Variants in CDIN1 observed in about 807,000 individuals in gnomAD.
CDIN1 encodes CDAN1-interacting nuclease 1.
CDIN1 carries 33 observed loss-of-function variants against 45.3 expected under a neutral mutation model. The ratio of observed to expected loss-of-function variants is 0.73; its 90% CI spans 0.55 to 0.97. The LOEUF is 0.97. Among genes scored for constraint, CDIN1 ranks in the 50% least tolerant of loss-of-function variants. CDIN1 has a pLI of 0.00. For synonymous variants in CDIN1, 118 were observed against 124.4 expected (o/e 0.95, Z 0.34); for missense variants, 303 against 339.4 (o/e 0.89, Z 0.84).
chr15:36,610,320 G>T (rs2038588022), intron 1 of CDIN1, among the ~76,000 whole-genome samples: 1 of 152,176 alleles, frequency 6.6e-6, no homozygotes, highest in Non-Finnish European at 1.5e-5. Context: ...TTGTCACTTT[G>T]CTTCTTTTAA....
At chr15:36,704,934 A>G (rs370688133) in intron 8 of CDIN1, 73 of 152,120 alleles carry the variant, frequency 4.8e-4, no homozygotes, top group African/African-American at 1.7e-3. Context: ...TGTGATTCTT[A>G]AGTATATGTT....
chr15:36,666,521 G>A (rs140847269), intron 5 of CDIN1, among the ~76,000 whole-genome samples: 46 of 152,176 alleles, frequency 3.0e-4, no homozygotes, highest in Admixed American at 1.0e-3. Context: ...TGGTTATATT[G>A]TGCCTATTGT....
chr15:36,659,966 C>CTTTTTT lies in CDIN1; in HGVS notation c.346+2074_346+2079dup, dbSNP rs778988517. Among the ~76,000 whole-genome samples, 101 of 105,124 alleles carry CTTTTTT rather than the reference C, an allele frequency of 9.6e-4. 3 individuals carry two copies. Among genetic ancestry groups the CTTTTTT allele is most frequent in the African/African-American group, 1.3e-3 (35 of 27,928 alleles). The allele number at this position is 105,124 out of a possible 152,430, so 69.0% of individuals were successfully genotyped here. A position where few individuals can be genotyped will look rare whatever the true frequency, so the allele number is the denominator to read the frequency against. On this transcript the variant is annotated intron_variant, in intron 5 of 10. Coordinates refer to ENST00000566621, the MANE Select transcript of CDIN1 (RefSeq NM_001321759.2). ...TCATTCTCTCTTTTTCCTTCCTTTTCTTTTTTTTTTTTTTTTTTCTTAAAG... is the reference window on the plus strand; with the variant it reads ...TCATTCTCTCTTTTTCCTTCCTTTTCTTTTTTTTTTTTTTTTTTTTTTTTCTTAAAG...
intron 10 of CDIN1, among the ~76,000 whole-genome samples, chr15:36,713,343 G>A (rs543604501): frequency 1.3e-5 from 2 of 152,264 alleles, no homozygotes; most frequent in East Asian, 1.9e-4. Context: ...ATTCTGGCAC[G>A]TTCTCATTAG....
chr15:36,605,746 G>A (rs2038335632), intron 1 of CDIN1, among the ~76,000 whole-genome samples: 1 of 152,168 alleles, frequency 6.6e-6, no homozygotes, highest in East Asian at 1.9e-4. Context: ...AGAAGGGAGA[G>A]TACCTCCAAA....
chr15:36,603,149 T>G (rs2038191448), intron 1 of CDIN1, among the ~76,000 whole-genome samples: 1 of 152,198 alleles, frequency 6.6e-6, no homozygotes, highest in African/African-American at 2.4e-5. Flanking sequence ...ATCCTTGTAC[T>G]TAGTAAGTGC....
At chr15:36,659,198 C>T (rs1186386655) in intron 5 of CDIN1, among the ~76,000 whole-genome samples, 1 of 152,132 alleles carries the variant, frequency 6.6e-6, no homozygotes, top group Non-Finnish European at 1.5e-5. Context: ...AAACAGAATT[C>T]ATTGACTTGT....
chr15:36,747,856 A>G (rs982008852), intron 10 of CDIN1, among the ~76,000 whole-genome samples: 1 of 152,180 alleles, frequency 6.6e-6, no homozygotes, highest in African/African-American at 2.4e-5. Context: ...TGCTGACCTA[A>G]TACAAGACCT....
intron 10 of CDIN1, among the ~76,000 whole-genome samples, chr15:36,740,044 T>C (rs1395734808): frequency 3.3e-5 from 5 of 152,232 alleles, no homozygotes; most frequent in African/African-American, 9.6e-5. Flanking sequence ...ATATGGTTTG[T>C]TGAAAATGCT....
intron 5 of CDIN1, among the ~76,000 whole-genome samples, chr15:36,659,628 T>TG (rs1337084386): frequency 1.3e-5 from 2 of 151,848 alleles, no homozygotes; most frequent in African/African-American, 2.4e-5. Flanking sequence ...GGTTTTGTTT[T>TG]TTTTTTTTTT....
At chr15:36,738,418 A>G (rs1047919757) in intron 10 of CDIN1, among the ~76,000 whole-genome samples, 2 of 152,030 alleles carry the variant, frequency 1.3e-5, no homozygotes, top group African/African-American at 4.8e-5. Flanking sequence ...CTCATATGCC[A>G]CTTCTTGCAG....
chr15:36,624,570 T>C (rs1008436437), intron 1 of CDIN1, among the ~76,000 whole-genome samples: 6 of 152,206 alleles, frequency 3.9e-5, no homozygotes, highest in African/African-American at 7.2e-5. Context: ...CTACTGAGGC[T>C]TCAAATAGTT....
chr15:36,610,391 G>A (rs1235832425), intron 1 of CDIN1, among the ~76,000 whole-genome samples: 3 of 152,190 alleles, frequency 2.0e-5, no homozygotes, highest in Non-Finnish European at 2.9e-5. Flanking sequence ...GTTGTGTAAT[G>A]TGAAAATTAT....
At chr15:36,628,969 G>A (rs2039567130) in intron 1 of CDIN1, among the ~76,000 whole-genome samples, 1 of 152,150 alleles carries the variant, frequency 6.6e-6, no homozygotes, top group Non-Finnish European at 1.5e-5. Context: ...AGCAGAGAGA[G>A]ATTTGAAGAT....
At chr15:36,644,860 T>A (rs2040247840) in intron 2 of CDIN1, among the ~76,000 whole-genome samples, 1 of 152,194 alleles carries the variant, frequency 6.6e-6, no homozygotes, top group South Asian at 2.1e-4. Context: ...GCAGAGGACT[T>A]AGATGGAATT....
At chr15:36,669,304 T>C (rs2041361966) in intron 5 of CDIN1, among the ~76,000 whole-genome samples, 3 of 152,158 alleles carry the variant, frequency 2.0e-5, no homozygotes, top group Admixed American at 2.0e-4. Context: ...CTGGAATTCT[T>C]ATAACCAACA....
At chr15:36,799,452 T>C (rs1312645026) in intron 10 of CDIN1, 1 of 152,068 alleles carries the variant, frequency 6.6e-6, no homozygotes, top group East Asian at 1.9e-4. Context: ...GACCCCATCA[T>C]CCCTCTAAGT....
chr15:36,606,345 A>G (rs1181243125), intron 1 of CDIN1, among the ~76,000 whole-genome samples: 1 of 152,168 alleles, frequency 6.6e-6, no homozygotes. Context: ...TCCGACTTCT[A>G]CATTTCCACA....
At chr15:36,745,474 T>C (rs948732830) in intron 10 of CDIN1, among the ~76,000 whole-genome samples, 2 of 152,204 alleles carry the variant, frequency 1.3e-5, no homozygotes, top group Non-Finnish European at 1.5e-5. Context: ...CATGGTTCAC[T>C]GTAGAGAACT....
Sources: allele counts gnomAD v4.1 joint callset (sites outside exome capture counted in the v4.1 genomes callset), GRCh38; gene constraint gnomAD v4.1.1; transcripts MANE v1.5; gene names NCBI Gene and HGNC (gene_info 2026-07-23, HGNC 2026-07-21).